The following NELL1 variants were observed in gnomAD, a reference collection of about 807,000 sequenced individuals.
The protein encoded by NELL1 is protein kinase C-binding protein NELL1.
NELL1 carries 76 observed loss-of-function variants against 107.4 expected under a neutral mutation model. That is an observed-to-expected ratio of 0.71 (90% CI 0.59 to 0.86). The LOEUF is 0.86. NELL1 is among the 40% of genes least tolerant of loss of function. NELL1 has a pLI of 0.00. For missense variants in NELL1, 1,024 were observed against 1,005.5 expected (o/e 1.02, Z -0.25); for synonymous variants, 353 against 341.2 (o/e 1.03, Z -0.38).
At chr11:20,950,184 C>T (rs1851042760) in intron 11 of NELL1, among the ~76,000 whole-genome samples, 1 of 152,206 alleles carries the variant, frequency 6.6e-6, no homozygotes, top group African/African-American at 2.4e-5. Context: ...TCATAACCTT[C>T]TTCCTTCTTG....
intron 15 of NELL1, among the ~76,000 whole-genome samples, chr11:21,502,388 A>T (rs914838947): frequency 6.6e-6 from 1 of 152,172 alleles, no homozygotes; most frequent in African/African-American, 2.4e-5. Context: ...ATGCTGCAGA[A>T]AGTAAAAATT....
chr11:21,178,763 T>TAA (rs35795109), intron 13 of NELL1, among the ~76,000 whole-genome samples: 1 of 143,696 alleles, frequency 7.0e-6, no homozygotes, highest in African/African-American at 2.6e-5. Flanking sequence ...GAACTTGTCT[T>TAA]AAAAAAAAAA....
intron 4 of NELL1, among the ~76,000 whole-genome samples, chr11:20,873,590 T>C (rs1421583479): frequency 6.6e-6 from 1 of 152,164 alleles, no homozygotes; most frequent in African/African-American, 2.4e-5. Flanking sequence ...GTGTGGTAGA[T>C]GTTGTTATTA....
intron 3 of NELL1, among the ~76,000 whole-genome samples, chr11:20,844,851 G>C (rs1392764567): frequency 6.6e-6 from 1 of 152,182 alleles, no homozygotes; most frequent in African/African-American, 2.4e-5. Context: ...GCTGCTATTG[G>C]TGTTCTACAG....
chr11:21,033,982 T>C (rs111682631), intron 12 of NELL1, among the ~76,000 whole-genome samples: 81 of 152,320 alleles, frequency 5.3e-4, no homozygotes, highest in African/African-American at 1.9e-3. Context: ...TGCATTTCTT[T>C]AATGATCAGT....
chr11:21,135,374 T>C (rs576266763), intron 13 of NELL1, among the ~76,000 whole-genome samples: 1 of 152,206 alleles, frequency 6.6e-6, no homozygotes, highest in Non-Finnish European at 1.5e-5. Context: ...AAGTGTGTAA[T>C]TGTCTGGTGC....
At chr11:21,134,959 G>T (rs1163006418) in intron 13 of NELL1, among the ~76,000 whole-genome samples, 3 of 152,170 alleles carry the variant, frequency 2.0e-5, no homozygotes, top group African/African-American at 7.2e-5. Flanking sequence ...GTGGTTTTAA[G>T]TATTAAATAA....
intron 15 of NELL1, among the ~76,000 whole-genome samples, chr11:21,504,691 G>A (rs77016678): frequency 1.2e-4 from 18 of 150,604 alleles, no homozygotes; most frequent in African/African-American, 4.5e-4. Flanking sequence ...TGGCTTCCAG[G>A]GAGAATGTAT....
intron 15 of NELL1, among the ~76,000 whole-genome samples, chr11:21,422,151 A>AAG (rs1491204754): frequency 7.0e-5 from 10 of 142,954 alleles, no homozygotes; most frequent in Admixed American, 4.0e-4. Context: ...GTACACGTGC[A>AAG]AGAGAGAGAG....
intron 16 of NELL1, among the ~76,000 whole-genome samples, chr11:21,559,260 C>T (rs181556946): frequency 2.6e-5 from 4 of 152,194 alleles, no homozygotes; most frequent in Admixed American, 6.5e-5. Flanking sequence ...AGTATCAGTA[C>T]TTCTACAAAT....
intron 12 of NELL1, among the ~76,000 whole-genome samples, chr11:21,038,567 A>G (rs138951744): frequency 6.0e-4 from 91 of 152,278 alleles, no homozygotes; most frequent in African/African-American, 1.9e-3. Flanking sequence ...TGCTTGGCTA[A>G]GTTTTTCTTA....
intron 14 of NELL1, among the ~76,000 whole-genome samples, chr11:21,349,209 G>GA (rs1850748695): frequency 6.6e-6 from 1 of 152,170 alleles, no homozygotes; most frequent in Non-Finnish European, 1.5e-5. Context: ...GTATATGTGT[G>GA]ATGCCTTAGA....
At chr11:21,337,282 G>T (rs890834473) in intron 14 of NELL1, among the ~76,000 whole-genome samples, 1 of 152,082 alleles carries the variant, frequency 6.6e-6, no homozygotes, top group African/African-American at 2.4e-5. Flanking sequence ...AGGAACAAAA[G>T]TCCACATAAT....
chr11:21,211,862 G>A (rs927480091), intron 13 of NELL1, among the ~76,000 whole-genome samples: 3 of 152,076 alleles, frequency 2.0e-5, no homozygotes, highest in Admixed American at 1.3e-4. Context: ...GTCTCTCTCT[G>A]TCGCCTAGGC....
chr11:21,485,570 G>C (rs895285657), intron 15 of NELL1, among the ~76,000 whole-genome samples: 5 of 151,338 alleles, frequency 3.3e-5, no homozygotes, highest in African/African-American at 4.9e-5. Context: ...TACCGCCTCT[G>C]CTTGCGAGCT....
chr11:21,540,287 A>G (rs1418726534), intron 16 of NELL1, among the ~76,000 whole-genome samples: 2 of 152,046 alleles, frequency 1.3e-5, no homozygotes, highest in African/African-American at 4.8e-5. Flanking sequence ...TACTCCTTCT[A>G]TCTAACTGTA....
At chr11:21,240,151 G>A (rs1461082172) in intron 14 of NELL1, among the ~76,000 whole-genome samples, 1 of 151,968 alleles carries the variant, frequency 6.6e-6, no homozygotes, top group African/African-American at 2.4e-5. Flanking sequence ...TAAATGATAA[G>A]GACTTTCTCC....
chr11:21,104,776 A>G (rs1854907339), intron 12 of NELL1, among the ~76,000 whole-genome samples: 1 of 152,226 alleles, frequency 6.6e-6, no homozygotes, highest in Admixed American at 6.5e-5. Flanking sequence ...AGCTGCCATA[A>G]CAAAATACCA....
Position 21,534,460 on chromosome 11 carries a change from A to C in NELL1, c.1732A>C (p.Arg578=). The C allele has an allele frequency of 6.2e-7, 1 of 1,613,918 alleles. No individual in the cohort carries two copies. Among genetic ancestry groups the C allele is most frequent in the Non-Finnish European group, 8.5e-7 (1 of 1,179,856 alleles). ...NLPGWYHCEC[R]SGFHDDGTYS... is the part of the protein sequence containing the mutation. Reference sequence around the variant, plus strand: ...GCCAGGGTGGTACCACTGTGAGTGCAGAAGCGGTTTCCATGACGATGGGAC... The same window carrying C: ...GCCAGGGTGGTACCACTGTGAGTGCCGAAGCGGTTTCCATGACGATGGGAC... Residue 578 remains arginine (R), a synonymous_variant, in exon 16 of 20, where the codon AGA becomes CGA. Coordinates refer to ENST00000357134, the MANE Select transcript of NELL1 (RefSeq NM_006157.5).
Sources: allele counts gnomAD v4.1 joint callset (sites outside exome capture counted in the v4.1 genomes callset), GRCh38; gene constraint gnomAD v4.1.1; transcripts MANE v1.5; gene names NCBI Gene and HGNC (gene_info 2026-07-23, HGNC 2026-07-21).